Variants in B3GLCT observed in about 807,000 individuals in gnomAD.
B3GLCT encodes the protein beta 3-glucosyltransferase.
B3GLCT carries 65 observed loss-of-function variants against 63.4 expected under a neutral mutation model. The ratio of observed to expected loss-of-function variants is 1.03; its 90% CI spans 0.84 to 1.26. The LOEUF is 1.26. Among genes scored for constraint, B3GLCT ranks in the 50% most tolerant of loss-of-function variants. The pLI is 0.00. For missense variants in B3GLCT, 577 were observed against 604.8 expected (o/e 0.95, Z 0.48); for synonymous variants, 233 against 219.2 (o/e 1.06, Z -0.55).
intron 11 of B3GLCT, among the ~76,000 whole-genome samples, chr13:31,285,509 C>G (rs1000042062): frequency 6.6e-6 from 1 of 150,822 alleles, no homozygotes; most frequent in Non-Finnish European, 1.5e-5. Flanking sequence ...TTGGCCACCT[C>G]ATCTTCAGAT....
At position 31,284,724 on chromosome 13, in the gene B3GLCT, T is replaced by G; in HGVS notation, c.927T>G (p.Ile309Met). The G allele has an allele frequency of 6.2e-7, 1 of 1,607,926 alleles. No homozygotes were observed. Among genetic ancestry groups the G allele is most frequent in the Non-Finnish European group, 8.5e-7 (1 of 1,174,380 alleles). The change falls in exon 11 of 15, where the codon ATT (isoleucine) becomes ATG (methionine). Residue 309 changes from isoleucine to methionine, a missense_variant. Ile to Met is a conservative substitution (Grantham distance 10). Transcript: ENST00000343307. Reference sequence around the variant, plus strand: ...ATAGTGACTATACTGAAAATTCCATTCCTACTGTGGATTTGGGAATTCCTA... The same window carrying G: ...ATAGTGACTATACTGAAAATTCCATGCCTACTGTGGATTTGGGAATTCCTA... ...EYYSDYTENS[I>M]PTVDLGIPNT...
chr13:31,316,699 T>C (rs1170909216), intron 12 of B3GLCT, among the ~76,000 whole-genome samples: 1 of 151,980 alleles, frequency 6.6e-6, no homozygotes, highest in East Asian at 1.9e-4. Flanking sequence ...CGTTTCTAAT[T>C]GGTGTAGGTT....
chr13:31,296,717 A>G (rs1263449727), intron 12 of B3GLCT, among the ~76,000 whole-genome samples: 2 of 151,766 alleles, frequency 1.3e-5, no homozygotes, highest in African/African-American at 2.4e-5. Flanking sequence ...TTTTTTTATC[A>G]CCATCTGGTT....
In B3GLCT at chr13:31,229,196, A is replaced by G. The variant is rs377650394; in HGVS notation, c.172A>G (p.Ile58Val). 34 of 1,601,554 alleles carry G rather than the reference A, an allele frequency of 2.1e-5. 1 individual carries two copies. In the African/African-American group the frequency reaches 3.7e-4, roughly 18 times the overall value. Reference sequence around the variant, plus strand: ...TTTTTTTGTTCTAGACTTAAAAGGAATTGTATTCGTCATCCAGAGTCAAAG... The same window carrying G: ...TTTTTTTGTTCTAGACTTAAAAGGAGTTGTATTCGTCATCCAGAGTCAAAG... ...SRKNDIDLKG[I>V]VFVIQSQSNS... Residue 58 changes from isoleucine to valine, a missense_variant, in exon 4 of 15, where the codon ATT becomes GTT. Transcript: ENST00000343307.
intron 4 of B3GLCT, among the ~76,000 whole-genome samples, chr13:31,240,595 A>G (rs1489031570): frequency 1.3e-5 from 2 of 151,460 alleles, no homozygotes; most frequent in East Asian, 3.9e-4. Flanking sequence ...GCGTTTTCTA[A>G]TTTCAGAATT....
chr13:31,246,917 TTTTC>T (rs1871212869), intron 4 of B3GLCT, 102 bp from the exon 5 acceptor site: 2 of 891,606 alleles, frequency 2.2e-6, no homozygotes, highest in Non-Finnish European at 1.7e-6. Context: ...AAGCCAAGCC[TTTTC>T]TTTTTTTCTT....
intron 4 of B3GLCT, among the ~76,000 whole-genome samples, chr13:31,231,001 T>C (rs984160420): frequency 1.3e-5 from 2 of 152,110 alleles, no homozygotes; most frequent in Non-Finnish European, 2.9e-5. Flanking sequence ...AGCAAGATTC[T>C]GTCTCAAAGA....
intron 9 of B3GLCT, 78 bp from the exon 10 acceptor site, chr13:31,276,624 G>C: frequency 1.1e-6 from 1 of 896,870 alleles, no homozygotes; most frequent in Middle Eastern, 2.1e-4. Flanking sequence ...TTGAACTCTA[G>C]AGCGTGTGAG....
At chr13:31,296,697 T>C (rs1047785951) in intron 12 of B3GLCT, among the ~76,000 whole-genome samples, 5 of 22,712 alleles carry the variant, frequency 2.2e-4, no homozygotes, top group Admixed American at 7.9e-4. Flanking sequence ...TGTAAAATTA[T>C]GTAACATTTT....
At chr13:31,254,891 G>A (rs1360454944) in intron 6 of B3GLCT, among the ~76,000 whole-genome samples, 1 of 152,026 alleles carries the variant, frequency 6.6e-6, no homozygotes, top group African/African-American at 2.4e-5. Flanking sequence ...CAAAAAATTA[G>A]CTGGGCATAG....
At chr13:31,206,299 C>T (rs920604685) in intron 1 of B3GLCT, among the ~76,000 whole-genome samples, 1 of 152,146 alleles carries the variant, frequency 6.6e-6, no homozygotes, top group African/African-American at 2.4e-5. Context: ...CGTTCCAGCT[C>T]CAGATTTTCT....
chr13:31,317,942 A>T (rs900075315), intron 13 of B3GLCT, among the ~76,000 whole-genome samples: 1 of 128,842 alleles, frequency 7.8e-6, no homozygotes, highest in African/African-American at 2.8e-5. Flanking sequence ...GGTTGCTTCT[A>T]GACAGCCAAC....
At chr13:31,212,689 G>A (rs918493569) in intron 1 of B3GLCT, among the ~76,000 whole-genome samples, 1 of 152,198 alleles carries the variant, frequency 6.6e-6, no homozygotes, top group African/African-American at 2.4e-5. Context: ...GGATTACACA[G>A]ATGTGAGCCA....
chr13:31,246,946 C>CTTTTCTTTTTTTTTTTTT, intron 4 of B3GLCT, 77 bp from the exon 5 acceptor site: 1 of 1,011,082 alleles, frequency 9.9e-7, no homozygotes, highest in Non-Finnish European at 1.4e-6. Context: ...CTTTTCTTTT[C>CTTTTCTTTTTTTTTTTTT]TTTTCTTTTT....
At chr13:31,251,533 G>A (rs1275799745) in intron 6 of B3GLCT, among the ~76,000 whole-genome samples, 1 of 152,172 alleles carries the variant, frequency 6.6e-6, no homozygotes, top group Non-Finnish European at 1.5e-5. Context: ...ATGACCTGAT[G>A]GAGCTGAAAA....
chr13:31,241,997 C>T (rs559015621), intron 4 of B3GLCT, among the ~76,000 whole-genome samples: 3 of 152,218 alleles, frequency 2.0e-5, no homozygotes, highest in African/African-American at 7.2e-5. Context: ...ATTTAGTGCT[C>T]ATATTGGTAC....
chr13:31,313,670 G>A (rs1262351182), intron 12 of B3GLCT, among the ~76,000 whole-genome samples: 9 of 152,180 alleles, frequency 5.9e-5, no homozygotes, highest in South Asian at 2.1e-4. Context: ...CTGACTACGC[G>A]ATAGGAAAGA....
chr13:31,248,755 A>T (rs1335442671), intron 6 of B3GLCT, among the ~76,000 whole-genome samples: 1 of 152,168 alleles, frequency 6.6e-6, no homozygotes, highest in African/African-American at 2.4e-5. Context: ...GAGCAACTGG[A>T]TTTTGTTTGC....
intron 6 of B3GLCT, among the ~76,000 whole-genome samples, chr13:31,249,399 A>G (rs949511807): frequency 3.5e-5 from 5 of 142,542 alleles, no homozygotes; most frequent in African/African-American, 1.3e-4. Context: ...TTCAGATGAC[A>G]CTAACCAGCA....
Sources: allele counts gnomAD v4.1 joint callset (sites outside exome capture counted in the v4.1 genomes callset), GRCh38; gene constraint gnomAD v4.1.1; transcripts MANE v1.5; gene names NCBI Gene and HGNC (gene_info 2026-07-23, HGNC 2026-07-21).